Variants in BCL2 observed in about 807,000 individuals in gnomAD.
The protein encoded by BCL2 is apoptosis regulator Bcl-2.
Under a neutral mutation model 14.2 loss-of-function variants are expected in BCL2, and 1 was observed. That is an observed-to-expected ratio of 0.07 (90% CI 0.02 to 0.33). The LOEUF (loss-of-function observed/expected upper bound fraction) is 0.33, where lower values mean the gene tolerates loss of function less well. BCL2 is among the 10% of genes least tolerant of loss of function. The pLI is 0.99. For missense variants in BCL2, 247 were observed against 305.9 expected, an observed-to-expected ratio of 0.81 and a Z score of 1.44; for synonymous variants, 151 against 137.2, an observed-to-expected ratio of 1.10 and a Z score of -0.70.
intron 2 of BCL2, among the ~76,000 whole-genome samples, chr18:63,293,138 A>C (rs1424953539): frequency 6.6e-6 from 1 of 152,228 alleles, no homozygotes; most frequent in African/African-American, 2.4e-5. Flanking sequence ...GAGCCCAGCC[A>C]GGTTCTCAGT....
At position 63,126,948 on chromosome 18, in the gene BCL2, T is replaced by A. The variant is rs543280509; in HGVS notation, c.*1677A>T. The A allele has an allele frequency of 4.4e-6, 1 of 227,252 alleles. No individual in the cohort carries two copies. Among genetic ancestry groups the A allele is most frequent in the East Asian group, 6.4e-5 (1 of 15,746 alleles). The allele number at this position is 227,252 out of a possible 1,614,324, so 14.1% of individuals were successfully genotyped here. ...ATTCCATCAATGTTTCAAGGCTGAT[T>A]CTAAACTGGAAGAAAAAAAAATTTC... On this transcript the variant is annotated 3_prime_UTR_variant, in exon 3 of 3. Transcript: ENST00000333681.
At chr18:63,199,544 G>C (rs953869680) in intron 2 of BCL2, among the ~76,000 whole-genome samples, 1 of 146,776 alleles carries the variant, frequency 6.8e-6, no homozygotes, top group Non-Finnish European at 1.5e-5. Context: ...CACATGCACA[G>C]ACCCACACAC....
At chr18:63,139,671 T>C (rs1471968333) in intron 2 of BCL2, among the ~76,000 whole-genome samples, 1 of 152,212 alleles carries the variant, frequency 6.6e-6, no homozygotes, top group African/African-American at 2.4e-5. Context: ...AAAGGGCCTA[T>C]ATACACACAG....
chr18:63,131,155 A>T (rs978137236), intron 2 of BCL2, among the ~76,000 whole-genome samples: 2 of 152,152 alleles, frequency 1.3e-5, no homozygotes, highest in Non-Finnish European at 2.9e-5. Flanking sequence ...ATGCTCTGTA[A>T]TCACAGACCA....
chr18:63,216,044 T>G (rs749742082), intron 2 of BCL2, among the ~76,000 whole-genome samples: 9 of 152,250 alleles, frequency 5.9e-5, no homozygotes, highest in South Asian at 4.1e-4. Flanking sequence ...AGGAGGGTTC[T>G]AAGTGCTAGG....
intron 2 of BCL2, among the ~76,000 whole-genome samples, chr18:63,211,030 C>T (rs1909984192): frequency 7.1e-6 from 1 of 140,508 alleles, no homozygotes; most frequent in African/African-American, 2.7e-5. Flanking sequence ...CCTTTTGCAG[C>T]TTTTATTTCT....
chr18:63,306,320 C>CTTGA (rs1357218288), intron 2 of BCL2, among the ~76,000 whole-genome samples: 1 of 152,234 alleles, frequency 6.6e-6, no homozygotes, highest in African/African-American at 2.4e-5. Context: ...AGGTCAGGCA[C>CTTGA]TTGATCTCTT....
chr18:63,173,055 A>C (rs919967869), intron 2 of BCL2, among the ~76,000 whole-genome samples: 8 of 152,348 alleles, frequency 5.3e-5, no homozygotes, highest in African/African-American at 1.7e-4. Flanking sequence ...TAACCTTTCA[A>C]AACCACAAAA....
chr18:63,137,467 A>G (rs552323096), intron 2 of BCL2, among the ~76,000 whole-genome samples: 26 of 152,356 alleles, frequency 1.7e-4, no homozygotes, highest in Admixed American at 1.2e-3. Flanking sequence ...ACTATATGGC[A>G]GATTTTTCAA....
At chr18:63,198,754 C>CACACAGTG (rs1909556744) in intron 2 of BCL2, among the ~76,000 whole-genome samples, 1 of 145,170 alleles carries the variant, frequency 6.9e-6, no homozygotes, top group Non-Finnish European at 1.5e-5. Flanking sequence ...CACACACAGA[C>CACACAGTG]ACACACTGAC....
At position 63,149,650 on chromosome 18, in the gene BCL2, T is replaced by C. The variant is rs1452722423; in HGVS notation, c.586-20891A>G. Among the ~76,000 whole-genome samples, 1 of 152,172 alleles carries C rather than the reference T, an allele frequency of 6.6e-6. No individual in the cohort carries two copies. Among genetic ancestry groups the C allele is most frequent in the Non-Finnish European group, 1.5e-5 (1 of 68,018 alleles). On this transcript the variant is annotated intron_variant, in intron 2 of 2. Transcript: ENST00000333681. The surrounding 1 kb of genome is among the most constrained non-coding windows in gnomAD (Gnocchi z 4.2). The stretch of plus-strand genomic sequence containing the variant: ...CCTTCCTTTCAAACTCTTTGCTTGA[T>C]GTAATCGCCAATTTTCATTTCAGGC...
At position 63,225,871 on chromosome 18, in the gene BCL2, G is replaced by A. The variant is rs550966376; in HGVS notation, c.585+92211C>T. Among the ~76,000 whole-genome samples the A allele has an allele frequency of 2.6e-5, 4 of 152,334 alleles. No homozygotes were observed. The South Asian group carries it at 8.3e-4, about 32-fold the overall frequency. On this transcript the variant is annotated intron_variant, in intron 2 of 2. Coordinates refer to ENST00000333681, the MANE Select transcript of BCL2 (RefSeq NM_000633.3). ...GAGGACAGGTTACAGTACTCTTTTA[G>A]CTCTGCCATCCATGGACGCCTTAAG...
intron 2 of BCL2, among the ~76,000 whole-genome samples, chr18:63,250,745 C>T (rs1046351587): frequency 6.6e-6 from 1 of 152,208 alleles, no homozygotes; most frequent in Non-Finnish European, 1.5e-5. Flanking sequence ...CTGAAACAAA[C>T]ATGTGGTCCA....
chr18:63,131,654 C>A (rs1033888434), intron 2 of BCL2, among the ~76,000 whole-genome samples: 1 of 152,192 alleles, frequency 6.6e-6, no homozygotes, highest in Non-Finnish European at 1.5e-5. Flanking sequence ...CCAAAAGACA[C>A]CCCAAATTTG....
chr18:63,276,497 C>T (rs1428977254), intron 2 of BCL2, among the ~76,000 whole-genome samples: 2 of 152,196 alleles, frequency 1.3e-5, no homozygotes, highest in African/African-American at 4.8e-5. Context: ...TCTATGTCCC[C>T]CAGGACTTTC....
At chr18:63,169,471 TCTCCCTCC>T (rs556476803) in intron 2 of BCL2, among the ~76,000 whole-genome samples, 9 of 139,954 alleles carry the variant, frequency 6.4e-5, no homozygotes, top group East Asian at 2.0e-4. Flanking sequence ...TCCCTCCCTG[TCTCCCTCC>T]CTCCCTCCCT....
At chr18:63,251,440 G>A (rs929849474) in intron 2 of BCL2, among the ~76,000 whole-genome samples, 4 of 151,844 alleles carry the variant, frequency 2.6e-5, no homozygotes, top group Non-Finnish European at 5.9e-5. Flanking sequence ...TCAGGAGATC[G>A]AGACCATCCC....
At chr18:63,163,269 T>C (rs997560406) in intron 2 of BCL2, among the ~76,000 whole-genome samples, 1 of 152,234 alleles carries the variant, frequency 6.6e-6, no homozygotes, top group African/African-American at 2.4e-5. Context: ...CTTCCTCACC[T>C]GACCATTCAA....
chr18:63,275,246 A>G (rs1459586117), intron 2 of BCL2, among the ~76,000 whole-genome samples: 1 of 142,194 alleles, frequency 7.0e-6, no homozygotes, highest in Non-Finnish European at 1.5e-5. Flanking sequence ...AAAAAAAAAA[A>G]AAGGGAAATA....
Sources: gnomAD v4.1 joint callset for allele counts (sites outside exome capture counted in the v4.1 genomes callset) on GRCh38, gnomAD v4.1.1 for gene constraint, Gnocchi (gnomAD v3.1) non-coding constraint, MANE v1.5 for transcripts, NCBI Gene and HGNC (gene_info 2026-07-23, HGNC 2026-07-21) for gene names.